PLD5: variants seen among roughly 807,000 people sequenced by gnomAD.
PLD5 encodes phospholipase D family member 5, also known as inactive phospholipase D5.
In PLD5, 36 loss-of-function variants were observed where a neutral mutation model predicts 61.1. That is an observed-to-expected ratio of 0.59 (90% CI 0.45 to 0.78). The LOEUF (loss-of-function observed/expected upper bound fraction) is 0.78, where lower values mean the gene tolerates loss of function less well. Ranked by LOEUF, PLD5 falls within the 30% of genes least tolerant of loss-of-function variation. The probability of loss-of-function intolerance (pLI) is 0.00; values close to 1 mark genes in which losing one functional copy is unlikely to be tolerated. For missense variants in PLD5, 515 were observed against 644.4 expected, an observed-to-expected ratio of 0.80 and a Z score of 2.17; for synonymous variants, 243 against 242.8, an observed-to-expected ratio of 1.00 and a Z score of -0.01.
intron 1 of PLD5, among the ~76,000 whole-genome samples, chr1:242,378,511 T>C (rs1662096670): frequency 6.6e-6 from 1 of 152,098 alleles, no homozygotes; most frequent in Non-Finnish European, 1.5e-5. Flanking sequence ...AAATGGTAAA[T>C]TTTATGTTAT....
rs1659421725 is a variant in PLD5, at chr1:242,085,845, CAG to C, written c.*4007_*4008del. 1.3e-5 allele frequency: 2 copies of C among 150,326 alleles called. No homozygotes were observed. The highest frequency in any genetic ancestry group is 4.9e-5 in the African/African-American group (2 of 40,792). 9.3% of individuals were successfully genotyped at this position (150,326 alleles called of 1,614,324 possible). A position where few individuals can be genotyped will look rare whatever the true frequency, so the allele number is the denominator to read the frequency against. On this transcript the variant is annotated 3_prime_UTR_variant, in exon 10 of 10. Transcript: ENST00000536534. ...AAAATAATGAAATGAATTTTGGACA[CAG>C]AAACACACACCAGTGGTCATACGTG... is the stretch of plus-strand genomic sequence containing the variant.
At chr1:242,337,924 G>A (rs1027743452) in intron 2 of PLD5, among the ~76,000 whole-genome samples, 8 of 152,092 alleles carry the variant, frequency 5.3e-5, no homozygotes, top group African/African-American at 9.7e-5. Context: ...GTTCACGTTG[G>A]TTTGCAGAAT....
chr1:242,327,401 A>G (rs1658866533), intron 2 of PLD5, among the ~76,000 whole-genome samples: 1 of 152,222 alleles, frequency 6.6e-6, no homozygotes, highest in Admixed American at 6.5e-5. Flanking sequence ...TAATATTTTG[A>G]CAATATAGAG....
chr1:242,240,394 G>A (rs551481402), intron 4 of PLD5, among the ~76,000 whole-genome samples: 1 of 152,120 alleles, frequency 6.6e-6, no homozygotes, highest in Non-Finnish European at 1.5e-5. Flanking sequence ...ATAGTATTTA[G>A]TTCCTTCAAC....
At chr1:242,241,037 G>A (rs1411533574) in intron 4 of PLD5, among the ~76,000 whole-genome samples, 2 of 152,186 alleles carry the variant, frequency 1.3e-5, no homozygotes, top group Non-Finnish European at 2.9e-5. Context: ...TAATTAATTT[G>A]CGTTGGCCTC....
intron 1 of PLD5, among the ~76,000 whole-genome samples, chr1:242,419,345 C>T (rs550131504): frequency 6.6e-6 from 1 of 151,470 alleles, no homozygotes; most frequent in African/African-American, 2.4e-5. Flanking sequence ...TCCATGAATA[C>T]AGCCATCTTA....
intron 5 of PLD5, among the ~76,000 whole-genome samples, chr1:242,211,940 T>C (rs933502815): frequency 2.0e-5 from 3 of 152,164 alleles, no homozygotes; most frequent in African/African-American, 7.2e-5. Flanking sequence ...AACTGTTGTA[T>C]CCCAAAACCC....
chr1:242,124,799 C>G (rs1430087118), intron 5 of PLD5, 134 bp from the exon 6 acceptor site: 19 of 718,094 alleles, frequency 2.6e-5, no homozygotes, highest in Non-Finnish European at 4.3e-5. Context: ...GATATAGTTA[C>G]ATTATGGTAC....
At chr1:242,294,997 C>T (rs1675570046) in intron 2 of PLD5, among the ~76,000 whole-genome samples, 1 of 152,182 alleles carries the variant, frequency 6.6e-6, no homozygotes, top group African/African-American at 2.4e-5. Context: ...GCAGTCAATG[C>T]ACCGACATTC....
intron 1 of PLD5, among the ~76,000 whole-genome samples, chr1:242,410,867 C>T (rs1664509803): frequency 6.7e-6 from 1 of 149,112 alleles, no homozygotes; most frequent in Admixed American, 6.6e-5. Flanking sequence ...CAAGCACTAC[C>T]CACAGACAGA....
chr1:242,505,024 G>T (rs1264783897), intron 1 of PLD5, among the ~76,000 whole-genome samples: 1 of 152,148 alleles, frequency 6.6e-6, no homozygotes, highest in Non-Finnish European at 1.5e-5. Flanking sequence ...AGGCATCATG[G>T]CATGTGCCTG....
intron 4 of PLD5, among the ~76,000 whole-genome samples, chr1:242,221,041 A>T (rs1670556870): frequency 6.6e-6 from 1 of 152,190 alleles, no homozygotes; most frequent in East Asian, 1.9e-4. Context: ...AATTTAAGCA[A>T]TGATTATTCA....
the PLD5 span, among the ~76,000 whole-genome samples, chr1:242,529,871 C>T: frequency 6.7e-6 from 1 of 149,542 alleles, no homozygotes; most frequent in Non-Finnish European, 1.5e-5. Context: ...CTCTCTTTCT[C>T]CTTTCTTTCT....
At chr1:242,335,795 A>T (rs762549556) in intron 2 of PLD5, among the ~76,000 whole-genome samples, 1 of 152,216 alleles carries the variant, frequency 6.6e-6, no homozygotes, top group Non-Finnish European at 1.5e-5. Context: ...CTATGAAGGT[A>T]AAACATTAAT....
intron 2 of PLD5, among the ~76,000 whole-genome samples, chr1:242,316,062 C>T (rs547424772): frequency 7.9e-5 from 12 of 152,132 alleles, no homozygotes; most frequent in African/African-American, 2.2e-4. Flanking sequence ...CCTGTTTCCT[C>T]GTGTGGAAAA....
At chr1:242,376,343 C>T (rs1454128591) in intron 1 of PLD5, among the ~76,000 whole-genome samples, 2 of 152,156 alleles carry the variant, frequency 1.3e-5, no homozygotes, top group Non-Finnish European at 2.9e-5. Flanking sequence ...GACAAAGGCA[C>T]GCCCACACTG....
chr1:242,160,446 A>C (rs1392409014), intron 5 of PLD5, among the ~76,000 whole-genome samples: 2 of 152,178 alleles, frequency 1.3e-5, no homozygotes, highest in Non-Finnish European at 2.9e-5. Flanking sequence ...CATTCCTGAG[A>C]TAACAGGTGC....
In PLD5 at chr1:242,321,192, C is replaced by T. The variant is rs142962125; in HGVS notation, c.326+26914G>A. ...CTACAGAAAATCTAAATTGATGCAG[C>T]CAGGCCTCCCCTTGACCCATTCTAA... On this transcript the variant is annotated intron_variant, in intron 2 of 9. Coordinates refer to ENST00000536534, the MANE Select transcript of PLD5 (RefSeq NM_001372062.1). Among the ~76,000 whole-genome samples the T allele has an allele frequency of 1.1e-3, 162 of 152,166 alleles. 1 individual carries two copies. Among genetic ancestry groups the T allele is most frequent in the African/African-American group, 3.8e-3 (157 of 41,524 alleles).
upstream of PLD5, among the ~76,000 whole-genome samples, chr1:242,525,034 C>T (rs1236135517): frequency 1.3e-5 from 2 of 152,040 alleles, no homozygotes; most frequent in African/African-American, 2.4e-5. Flanking sequence ...TCCCCCATCT[C>T]TATCCAGCGG....
Sources: gnomAD v4.1 joint callset for allele counts (sites outside exome capture counted in the v4.1 genomes callset) on GRCh38, gnomAD v4.1.1 for gene constraint, MANE v1.5 for transcripts, NCBI Gene and HGNC (gene_info 2026-07-23, HGNC 2026-07-21) for gene names.